The following GOLGA8B variants were observed in gnomAD, a reference collection of about 807,000 sequenced individuals.
GOLGA8B encodes the protein golgin subfamily A member 8B.
A neutral mutation model predicts 15.6 loss-of-function variants in GOLGA8B; 1 was observed. The ratio of observed to expected loss-of-function variants is 0.06; its 90% CI spans 0.02 to 0.30. The LOEUF (loss-of-function observed/expected upper bound fraction) is 0.30, where lower values mean the gene tolerates loss of function less well. Among genes scored for constraint, GOLGA8B ranks in the 10% least tolerant of loss-of-function variants. The pLI is 1.00. For missense variants in GOLGA8B, 17 were observed against 201.3 expected, an observed-to-expected ratio of 0.08 and a Z score of 5.54; for synonymous variants, 9 against 80.3, an observed-to-expected ratio of 0.11 and a Z score of 4.75.
chr15:34,578,551 A>C (rs553481124), intron 1 of GOLGA8B, among the ~76,000 whole-genome samples: 3 of 152,364 alleles, frequency 2.0e-5, no homozygotes, highest in South Asian at 2.1e-4. Context: ...CCGTCACAGC[A>C]GAGTGCTCTT....
intron 1 of GOLGA8B, among the ~76,000 whole-genome samples, chr15:34,580,898 C>T (rs1199405010): frequency 6.6e-6 from 1 of 152,204 alleles, no homozygotes; most frequent in African/African-American, 2.4e-5. Context: ...TCTCCATGTT[C>T]CTAGTCCTCA....
rs929447553 is a variant in GOLGA8B, at chr15:34,525,696, A to T, written c.*1936T>A. 6.7e-6 allele frequency: 1 copy of T among 150,116 alleles called. No homozygotes were observed. Among genetic ancestry groups the T allele is most frequent in the Middle Eastern group, 3.4e-3 (1 of 294 alleles). 9.3% of individuals were successfully genotyped at this position (150,116 alleles called of 1,614,324 possible). A position where few individuals can be genotyped will look rare whatever the true frequency, so the allele number is the denominator to read the frequency against. On this transcript the variant is annotated 3_prime_UTR_variant, in exon 24 of 24. Transcript: ENST00000683415. ...TCTTTATTATTCTGAAACTGGGTTT[A>T]TCTAATACATTGATAAATTCATACA...
At chr15:34,554,350 G>A (rs1369759181) in intron 1 of GOLGA8B, among the ~76,000 whole-genome samples, 3 of 152,246 alleles carry the variant, frequency 2.0e-5, no homozygotes, top group Non-Finnish European at 4.4e-5. Flanking sequence ...GTGTGCATGT[G>A]TGTGCATACG....
intron 1 of GOLGA8B, among the ~76,000 whole-genome samples, chr15:34,572,060 G>A (rs1008156817): frequency 2.6e-5 from 4 of 152,214 alleles, no homozygotes; most frequent in African/African-American, 9.6e-5. Context: ...AGAAGAAACA[G>A]CTTGTTATCA....
chr15:34,543,741 A>G (rs1338094218), intron 7 of GOLGA8B, among the ~76,000 whole-genome samples: 6 of 96,548 alleles, frequency 6.2e-5, no homozygotes, highest in Non-Finnish European at 1.2e-4. Context: ...ATTGTTTCTG[A>G]TAATTCTCAA....
At chr15:34,570,274 G>A (rs1888877276) in intron 1 of GOLGA8B, among the ~76,000 whole-genome samples, 2 of 148,846 alleles carry the variant, frequency 1.3e-5, no homozygotes, top group African/African-American at 4.9e-5. Context: ...CCAAGCAGCA[G>A]AGAAAGCCAC....
At position 34,567,534 on chromosome 15, in the gene GOLGA8B, A is replaced by T. The variant is rs563684331; in HGVS notation, c.-1122-13578T>A. Reference sequence around the variant, plus strand: ...ATTGTGAGAAGAGTCACATGAAGGTACCTAAAAGTTGTCACAGTCCACTCA... The same window carrying T: ...ATTGTGAGAAGAGTCACATGAAGGTTCCTAAAAGTTGTCACAGTCCACTCA... On this transcript the variant is annotated intron_variant, in intron 1 of 23. Transcript: ENST00000683415. Among the ~76,000 whole-genome samples the T allele has an allele frequency of 2.0e-5, 3 of 151,846 alleles. No homozygotes were observed. In the East Asian group the frequency reaches 5.8e-4, roughly 29 times the overall value.
In GOLGA8B at chr15:34,525,358, C is replaced by T. The variant is rs1894420676; in HGVS notation, c.*2274G>A. 1 of 149,894 alleles carries T rather than the reference C, an allele frequency of 6.7e-6. No homozygotes were observed. The highest frequency in any genetic ancestry group is 2.1e-4 in the South Asian group (1 of 4,684). 9.3% of individuals were successfully genotyped at this position (149,894 alleles called of 1,614,324 possible). A position where few individuals can be genotyped will look rare whatever the true frequency, so the allele number is the denominator to read the frequency against. On this transcript the variant is annotated 3_prime_UTR_variant, in exon 24 of 24. Coordinates refer to ENST00000683415, the MANE Select transcript of GOLGA8B (RefSeq NM_001023567.5). Reference sequence around the variant, plus strand: ...CAATAATGCCACTTTAGGCAAAAGTCTTTCAGTATTTCTGTTACACATTCT... The same window carrying T: ...CAATAATGCCACTTTAGGCAAAAGTTTTTCAGTATTTCTGTTACACATTCT...
At chr15:34,572,018 TAGAA>T (rs1049759239) in intron 1 of GOLGA8B, among the ~76,000 whole-genome samples, 3 of 152,094 alleles carry the variant, frequency 2.0e-5, no homozygotes, top group South Asian at 4.2e-4. Flanking sequence ...AAAAGAGAAT[TAGAA>T]AGAGAAATTC....
chr15:34,526,011 C>G lies in GOLGA8B; in HGVS notation c.*1621G>C, dbSNP rs1359708745. On this transcript the variant is annotated 3_prime_UTR_variant, in exon 24 of 24. Coordinates refer to ENST00000683415, the MANE Select transcript of GOLGA8B (RefSeq NM_001023567.5). ...GAAGTTTTAACTGTTGATTCTTTCC[C>G]AAGCATCATCAAGTTATGATTTAGG... 1.3e-5 allele frequency: 2 copies of G among 149,352 alleles called. 1 individual carries two copies. Among genetic ancestry groups the G allele is most frequent in the Non-Finnish European group, 3.0e-5 (2 of 67,138 alleles). 9.3% of individuals were successfully genotyped at this position (149,352 alleles called of 1,614,324 possible). A position where few individuals can be genotyped will look rare whatever the true frequency, so the allele number is the denominator to read the frequency against.
intron 1 of GOLGA8B, among the ~76,000 whole-genome samples, chr15:34,572,828 C>A (rs1326412390): frequency 6.6e-6 from 1 of 152,204 alleles, no homozygotes; most frequent in African/African-American, 2.4e-5. Flanking sequence ...ATAGATCTAT[C>A]ATATGTTAGG....
At chr15:34,575,516 A>C (rs1014867020) in intron 1 of GOLGA8B, among the ~76,000 whole-genome samples, 1 of 151,726 alleles carries the variant, frequency 6.6e-6, no homozygotes, top group Non-Finnish European at 1.5e-5. Context: ...AGGGCTACCA[A>C]GCCCCTAATG....
At chr15:34,582,057 T>G (rs1342569246) in intron 1 of GOLGA8B, among the ~76,000 whole-genome samples, 1 of 152,142 alleles carries the variant, frequency 6.6e-6, no homozygotes, top group Non-Finnish European at 1.5e-5. Context: ...CCGCAGTTCC[T>G]AAGCTCAGGA....
intron 1 of GOLGA8B, among the ~76,000 whole-genome samples, chr15:34,563,848 ACT>A (rs1286300534): frequency 6.9e-6 from 1 of 144,042 alleles, no homozygotes; most frequent in African/African-American, 2.5e-5. Flanking sequence ...TATAATAAAC[ACT>A]GTTAGAATGC....
At chr15:34,564,428 T>C (rs1287151625) in intron 1 of GOLGA8B, among the ~76,000 whole-genome samples, 1 of 149,926 alleles carries the variant, frequency 6.7e-6, no homozygotes, top group Non-Finnish European at 1.5e-5. Flanking sequence ...TATAAGGTTT[T>C]CACTTTTTGC....
intron 1 of GOLGA8B, among the ~76,000 whole-genome samples, chr15:34,573,894 G>C (rs1259711315): frequency 6.6e-6 from 1 of 151,060 alleles, no homozygotes; most frequent in Non-Finnish European, 1.5e-5. Context: ...TACCTGTGGA[G>C]TCCTAGGTGG....
At chr15:34,574,829 A>G (rs35809837) in intron 1 of GOLGA8B, 1 of 152,336 alleles carries the variant, frequency 6.6e-6, no homozygotes, top group African/African-American at 2.4e-5. Flanking sequence ...ACTTACCCAT[A>G]AAACAGGGAC....
At chr15:34,570,650 T>G (rs1293480275) in intron 1 of GOLGA8B, among the ~76,000 whole-genome samples, 5 of 125,250 alleles carry the variant, frequency 4.0e-5, no homozygotes, top group African/African-American at 8.4e-5. Context: ...CAAATGATTC[T>G]CCAATAAAAA....
chr15:34,570,678 G>T, intron 1 of GOLGA8B, among the ~76,000 whole-genome samples: 1 of 127,448 alleles, frequency 7.8e-6, no homozygotes, highest in Non-Finnish European at 1.7e-5. Context: ...GAGGAAGAAT[G>T]ACAAACCATT....
Sources: allele counts gnomAD v4.1 joint callset (sites outside exome capture counted in the v4.1 genomes callset), GRCh38; gene constraint gnomAD v4.1.1; transcripts MANE v1.5; gene names NCBI Gene and HGNC (gene_info 2026-07-23, HGNC 2026-07-21).